The following AVL9 variants were observed in gnomAD, a reference collection of about 807,000 sequenced individuals.
AVL9 encodes late secretory pathway protein AVL9 homolog.
AVL9 carries 49 observed loss-of-function variants against 79.2 expected under a neutral mutation model. The observed-to-expected ratio is 0.62, with a 90% CI of 0.49 to 0.79. AVL9 has a LOEUF of 0.79. Among genes scored for constraint, AVL9 ranks in the 30% least tolerant of loss-of-function variants. The pLI, the probability that AVL9 is intolerant of heterozygous loss-of-function variation, is 0.00. For missense variants in AVL9, 682 were observed against 776.8 expected, an observed-to-expected ratio of 0.88 and a Z score of 1.45; for synonymous variants, 299 against 280.6, an observed-to-expected ratio of 1.07 and a Z score of -0.65.
At chr7:32,497,406 C>T (rs530173009) in intron 1 of AVL9, among the ~76,000 whole-genome samples, 13 of 152,298 alleles carry the variant, frequency 8.5e-5, no homozygotes, top group African/African-American at 3.1e-4. Flanking sequence ...GGTCTAGAAT[C>T]TGTTCTTTAT....
intron 14 of AVL9, 121 bp downstream of exon 14, chr7:32,580,393 A>G: frequency 1.3e-6 from 1 of 741,138 alleles, no homozygotes; most frequent in South Asian, 1.8e-5. Flanking sequence ...TAGTAACCAA[A>G]TATGTGCATA....
chr7:32,555,989 T>A (rs1790036547), intron 8 of AVL9, among the ~76,000 whole-genome samples: 1 of 152,182 alleles, frequency 6.6e-6, no homozygotes. Context: ...GTATAGAATT[T>A]CAGACAATAA....
intron 1 of AVL9, among the ~76,000 whole-genome samples, chr7:32,505,035 C>G (rs1402783057): frequency 1.3e-5 from 2 of 151,464 alleles, no homozygotes; most frequent in African/African-American, 2.4e-5. Context: ...CACCATGCCC[C>G]GCTAATTTTT....
In AVL9 at chr7:32,587,100, T is replaced by G. The variant is rs1297872177; in HGVS notation, c.*3193T>G. 6.6e-6 allele frequency: 1 copy of G among 152,234 alleles called. No individual in the cohort carries two copies. The highest frequency in any genetic ancestry group is 1.5e-5 in the Non-Finnish European group (1 of 68,044). 9.4% of individuals were successfully genotyped at this position (152,234 alleles called of 1,614,324 possible). On this transcript the variant is annotated 3_prime_UTR_variant, in exon 16 of 16. Coordinates refer to ENST00000318709, the MANE Select transcript of AVL9 (RefSeq NM_015060.3). ...AGCATATGATGTAACTTGCTCAACCTTATCTTCCTTTCCAAATTCTATACT... is the reference window on the plus strand; with the variant it reads ...AGCATATGATGTAACTTGCTCAACCGTATCTTCCTTTCCAAATTCTATACT...
At chr7:32,525,887 A>C (rs772701480) in intron 1 of AVL9, among the ~76,000 whole-genome samples, 3 of 152,138 alleles carry the variant, frequency 2.0e-5, no homozygotes, top group Non-Finnish European at 4.4e-5. Context: ...GGGGAAAAAC[A>C]CTGGTTTTTG....
At chr7:32,522,027 A>G (rs1788179444) in intron 1 of AVL9, among the ~76,000 whole-genome samples, 1 of 152,212 alleles carries the variant, frequency 6.6e-6, no homozygotes, top group Non-Finnish European at 1.5e-5. Context: ...GGGAACCTCT[A>G]CCTAGATTTC....
intron 1 of AVL9, among the ~76,000 whole-genome samples, chr7:32,502,773 G>A (rs4723161): frequency 6.6e-6 from 1 of 152,012 alleles, no homozygotes; most frequent in Admixed American, 6.5e-5. Flanking sequence ...CAGAGCAAAT[G>A]TCACTCATAC....
intron 13 of AVL9, among the ~76,000 whole-genome samples, chr7:32,577,267 C>T (rs1238385281): frequency 2.0e-5 from 3 of 152,208 alleles, no homozygotes; most frequent in East Asian, 3.9e-4. Context: ...CCCACGGTTT[C>T]GAGGCCAGCC....
At chr7:32,519,393 A>C (rs1788043595) in intron 1 of AVL9, among the ~76,000 whole-genome samples, 1 of 150,704 alleles carries the variant, frequency 6.6e-6, no homozygotes, top group Admixed American at 6.7e-5. Context: ...GCGCCACTGC[A>C]CTCCAGCTTG....
intron 1 of AVL9, among the ~76,000 whole-genome samples, chr7:32,503,337 T>G (rs1156249430): frequency 1.1e-5 from 1 of 92,522 alleles, no homozygotes; most frequent in African/African-American, 3.7e-5. Context: ...TATATATCTA[T>G]ATATATAGAT....
At chr7:32,504,405 CGTT>C (rs1787318298) in intron 1 of AVL9, among the ~76,000 whole-genome samples, 1 of 152,058 alleles carries the variant, frequency 6.6e-6, no homozygotes, top group African/African-American at 2.4e-5. Flanking sequence ...TTGTACAAAT[CGTT>C]GTCTTATCCT....
At chr7:32,543,795 C>A (rs1789330013) in intron 2 of AVL9, among the ~76,000 whole-genome samples, 1 of 152,218 alleles carries the variant, frequency 6.6e-6, no homozygotes, top group African/African-American at 2.4e-5. Flanking sequence ...TCTTACCACC[C>A]TATAACTGAG....
chr7:32,517,895 G>A lies in AVL9; in HGVS notation c.93+22093G>A, dbSNP rs557793496. Among the ~76,000 whole-genome samples the A allele has an allele frequency of 5.3e-5, 8 of 151,710 alleles. No individual in the cohort carries two copies. In the South Asian group the frequency reaches 1.0e-3, roughly 20 times the overall value. On this transcript the variant is annotated intron_variant, in intron 1 of 15. Transcript: ENST00000318709. ...CACCTTGGCTGGAGTGCAGTGGCAC[G>A]AACTTGGCTCACTGCAACCTCTACC...
At chr7:32,499,513 GT>G (rs1787021906) in intron 1 of AVL9, among the ~76,000 whole-genome samples, 1 of 152,066 alleles carries the variant, frequency 6.6e-6, no homozygotes, top group Non-Finnish European at 1.5e-5. Flanking sequence ...ATAGCTAGCA[GT>G]TTTAAGTCTT....
At chr7:32,576,825 T>C (rs1791126099) in intron 13 of AVL9, among the ~76,000 whole-genome samples, 1 of 152,098 alleles carries the variant, frequency 6.6e-6, no homozygotes, top group African/African-American at 2.4e-5. Flanking sequence ...CTCCTGGATA[T>C]ATGGTCATAC....
intron 1 of AVL9, among the ~76,000 whole-genome samples, chr7:32,525,203 T>G (rs1421607661): frequency 6.6e-6 from 1 of 152,228 alleles, no homozygotes; most frequent in East Asian, 1.9e-4. Context: ...TTGGGTGAAG[T>G]ATATTTTTGT....
chr7:32,543,266 G>GT lies in AVL9; in HGVS notation c.214+6dup, dbSNP rs780839301. ...GCGCACACAACTACCAGGAAGGTATGTAACAAGACAGTGAAGCAGTTAGGT... is the reference window on the plus strand; with the variant it reads ...GCGCACACAACTACCAGGAAGGTATGTTAACAAGACAGTGAAGCAGTTAGGT... On this transcript the variant is annotated splice_donor_region_variant and intron_variant, in intron 2 of 15. Transcript: ENST00000318709. 2.5e-6 allele frequency: 4 copies of GT among 1,612,496 alleles called. No individual in the cohort carries two copies. The highest frequency in any genetic ancestry group is 3.4e-6 in the Non-Finnish European group (4 of 1,179,580).
At chr7:32,547,314 C>T (rs9791745) in intron 3 of AVL9, among the ~76,000 whole-genome samples, 94,524 of 152,090 alleles carry the variant, frequency 0.62, 29,950 homozygotes, top group Admixed American at 0.71. Flanking sequence ...TAAAATTATC[C>T]TTGCCTATGT....
intron 12 of AVL9, among the ~76,000 whole-genome samples, chr7:32,574,997 C>T (rs1040944584): frequency 9.2e-5 from 14 of 152,204 alleles, no homozygotes; most frequent in African/African-American, 2.2e-4. Context: ...CATTTCTAAT[C>T]TTCCAAGCGG....
Sources: allele counts gnomAD v4.1 joint callset (sites outside exome capture counted in the v4.1 genomes callset), GRCh38; gene constraint gnomAD v4.1.1; transcripts MANE v1.5; gene names NCBI Gene and HGNC (gene_info 2026-07-23, HGNC 2026-07-21).